The following TF variants were observed in gnomAD, a reference collection of about 807,000 sequenced individuals.
The protein encoded by TF is serotransferrin.
Under a neutral mutation model 82.4 loss-of-function variants are expected in TF, and 55 were observed. The ratio of observed to expected loss-of-function variants is 0.67; its 90% CI spans 0.54 to 0.84. The LOEUF is 0.84. Among genes scored for constraint, TF ranks in the 40% least tolerant of loss-of-function variants. The pLI, the probability that TF is intolerant of heterozygous loss-of-function variation, is 0.00. For missense variants in TF, 737 were observed against 868.4 expected, an observed-to-expected ratio of 0.85 and a Z score of 1.90; for synonymous variants, 332 against 332.6, an observed-to-expected ratio of 1.00 and a Z score of 0.02.
chr3:133,697,818 A>T, the TF span, among the ~76,000 whole-genome samples: 1 of 152,228 alleles, frequency 6.6e-6, no homozygotes, highest in Non-Finnish European at 1.5e-5. Context: ...AATTGTAACC[A>T]CTCACAGCAG....
intron 3 of TF, 36 bp downstream of exon 3, chr3:133,753,739 A>G (rs1933741808): frequency 1.3e-6 from 2 of 1,528,302 alleles, no homozygotes; most frequent in African/African-American, 2.7e-5. Context: ...AGGAGTTGTC[A>G]TCCTTATTCT....
the TF span, among the ~76,000 whole-genome samples, chr3:133,728,121 A>G: frequency 5.6e-3 from 846 of 152,198 alleles, 5 homozygotes; most frequent in African/African-American, 0.019. Flanking sequence ...TGAATCTGAC[A>G]ATTATGTGTC....
chr3:133,718,855 T>G, the TF span, among the ~76,000 whole-genome samples: 1 of 152,120 alleles, frequency 6.6e-6, no homozygotes, highest in Non-Finnish European at 1.5e-5. Flanking sequence ...GAGACACATG[T>G]AAGACAAGGG....
At chr3:133,695,700 A>G in the TF span, among the ~76,000 whole-genome samples, 2 of 152,170 alleles carry the variant, frequency 1.3e-5, no homozygotes, top group Non-Finnish European at 2.9e-5. Context: ...CCCCTTATCC[A>G]CAGTATCACT....
chr3:133,711,147 A>G, the TF span, among the ~76,000 whole-genome samples: 35 of 152,214 alleles, frequency 2.3e-4, no homozygotes, highest in Non-Finnish European at 4.4e-4. Context: ...TTGCGTTGCT[A>G]AATGAAACTC....
At chr3:133,729,179 T>A in the TF span, among the ~76,000 whole-genome samples, 2 of 152,222 alleles carry the variant, frequency 1.3e-5, no homozygotes, top group African/African-American at 4.8e-5. Context: ...ACCACTGCTC[T>A]CTTCAAAGCT....
chr3:133,739,338 A>G, the TF span, among the ~76,000 whole-genome samples: 29,799 of 152,068 alleles, frequency 0.2, 3,049 homozygotes, highest in East Asian at 0.29. Context: ...AGACTTAAAC[A>G]TAAGACCTAA....
the TF span, chr3:133,699,467 C>T: frequency 8.1e-7 from 1 of 1,236,162 alleles, no homozygotes; most frequent in Admixed American, 1.9e-5. Context: ...ACAAGGCTGA[C>T]AAGGACCAGT....
the TF span, among the ~76,000 whole-genome samples, chr3:133,688,681 TAAAC>T: frequency 6.6e-6 from 1 of 152,160 alleles, no homozygotes; most frequent in Non-Finnish European, 1.5e-5. Flanking sequence ...GACTCAGAAA[TAAAC>T]AAGAATCTCT....
At chr3:133,687,313 G>A in the TF span, among the ~76,000 whole-genome samples, 1 of 152,012 alleles carries the variant, frequency 6.6e-6, no homozygotes, top group African/African-American at 2.4e-5. Context: ...CCTGCACGTT[G>A]TGCACATGTA....
the TF span, among the ~76,000 whole-genome samples, chr3:133,706,031 G>T: frequency 6.6e-6 from 1 of 152,172 alleles, no homozygotes; most frequent in Non-Finnish European, 1.5e-5. Flanking sequence ...ATGTTATGGA[G>T]CTGGAGTCTG....
chr3:133,710,257 C>T, the TF span: 4 of 152,616 alleles, frequency 2.6e-5, no homozygotes, highest in African/African-American at 9.6e-5. Context: ...CTCTGCTTTC[C>T]CCAACTCTCT....
rs781517840 is a variant in TF, at chr3:133,778,666, A to G, written c.*46A>G. 1 of 1,608,212 alleles carries G rather than the reference A, an allele frequency of 6.2e-7. No homozygotes were observed. Among genetic ancestry groups the G allele is most frequent in the South Asian group, 1.1e-5 (1 of 90,430 alleles). On this transcript the variant is annotated 3_prime_UTR_variant, in exon 17 of 17. Transcript: ENST00000402696. ...CACCAAGGTGAAGATGGGAACGCAG[A>G]TGATCCATGAGTTTGCCCTGGTTTC...
the TF span, among the ~76,000 whole-genome samples, chr3:133,700,609 A>G: frequency 2.6e-5 from 4 of 152,196 alleles, no homozygotes; most frequent in Admixed American, 6.5e-5. Context: ...GAACTGCCCC[A>G]TGGGAACACA....
chr3:133,679,990 T>G, the TF span, among the ~76,000 whole-genome samples: 616 of 152,276 alleles, frequency 4.0e-3, no homozygotes, highest in African/African-American at 0.014. Flanking sequence ...CTAATAGGTA[T>G]GCATTCTAAT....
chr3:133,733,226 T>G, the TF span, among the ~76,000 whole-genome samples: 3 of 152,086 alleles, frequency 2.0e-5, no homozygotes, highest in Admixed American at 2.0e-4. Flanking sequence ...TTCACAGCCT[T>G]CCTTTCCACT....
rs762983718 is a variant in TF at position 133,775,575 on chromosome 3, A to G, written c.1830A>G (p.Lys610=). The change falls in exon 15 of 17, where the codon AAA becomes AAG. Residue 610 remains lysine (K), a synonymous_variant. Transcript: ENST00000402696. ...RAPNHAVVTR[K]DKEACVHKIL... is the part of the protein sequence containing the mutation. The stretch of plus-strand genomic sequence containing the variant: ...CGAATCACGCTGTGGTCACACGGAA[A>G]GATAAGGAAGCTTGCGTCCACAAGA... 2 of 1,614,234 alleles carry G rather than the reference A, an allele frequency of 1.2e-6. No individual in the cohort carries two copies. The highest frequency in any genetic ancestry group is 3.3e-5 in the Admixed American group (2 of 60,030).
chr3:133,664,160 A>T, the TF span, among the ~76,000 whole-genome samples: 2 of 152,206 alleles, frequency 1.3e-5, no homozygotes, highest in African/African-American at 2.4e-5. Flanking sequence ...TGTGCCCTTC[A>T]GGTGATTTTG....
In TF at chr3:133,759,220, C is replaced by T. The variant is rs760468007; in HGVS notation, c.1094C>T (p.Ala365Val). The T allele has an allele frequency of 1.6e-5, 26 of 1,613,942 alleles. No individual in the cohort carries two copies. The highest frequency in any genetic ancestry group is 2.0e-5 in the Non-Finnish European group (24 of 1,179,992). ...TDECKPVKWC[A>V]LSHHERLKCD... ...GAATGCAAGCCTGTGAAGTGGTGTG[C>T]GCTGAGCCACCACGAGAGGCTCAAG... The change falls in exon 9 of 17, where the codon GCG becomes GTG. Residue 365 changes from alanine (A) to valine (V), a missense_variant. By Grantham distance (64) the Ala-to-Val change is moderately conservative. Transcript: ENST00000402696.
Sources: allele counts gnomAD v4.1 joint callset (sites outside exome capture counted in the v4.1 genomes callset), GRCh38; gene constraint gnomAD v4.1.1; transcripts MANE v1.5; gene names NCBI Gene and HGNC (gene_info 2026-07-23, HGNC 2026-07-21).